The following ZMYND8 variants were observed in gnomAD, a reference collection of about 807,000 sequenced individuals.
ZMYND8 encodes the protein MYND-type zinc finger-containing chromatin reader ZMYND8.
A neutral mutation model predicts 140.8 loss-of-function variants in ZMYND8; 37 were observed. The ratio of observed to expected loss-of-function variants is 0.26; its 90% confidence interval spans 0.20 to 0.35. The LOEUF is 0.35. Ranked by LOEUF, ZMYND8 falls within the 10% of genes least tolerant of loss-of-function variation. The pLI is 1.00. For synonymous variants in ZMYND8, 592 were observed against 597.1 expected (o/e 0.99, Z 0.12); for missense variants, 1,068 against 1,570.0 (o/e 0.68, Z 5.40).
At chr20:47,213,520 C>G (rs2035596245) in intron 21 of ZMYND8, among the ~76,000 whole-genome samples, 1 of 152,156 alleles carries the variant, frequency 6.6e-6, no homozygotes, top group South Asian at 2.1e-4. Flanking sequence ...AGCCAACAGA[C>G]AAGAGTGAGG....
intron 2 of ZMYND8, 70 bp downstream of exon 2, chr20:47,347,786 C>T: frequency 6.5e-7 from 1 of 1,541,108 alleles, no homozygotes. Context: ...CTTCACTGCA[C>T]TACAACAACA....
At chr20:47,268,649 C>A (rs1300526617) in intron 11 of ZMYND8, among the ~76,000 whole-genome samples, 1 of 151,650 alleles carries the variant, frequency 6.6e-6, no homozygotes, top group African/African-American at 2.4e-5. Context: ...TGGTGGTACA[C>A]GCCTGTAACC....
At position 47,276,337 on chromosome 20, in the gene ZMYND8, A is replaced by G. The variant is rs534613736; in HGVS notation, c.1457T>C (p.Met486Thr). The G allele has an allele frequency of 1.8e-5, 29 of 1,580,338 alleles. No individual in the cohort carries two copies. Among genetic ancestry groups the G allele is most frequent in the Middle Eastern group, 1.7e-4 (1 of 5,908 alleles). The change falls in exon 11 of 23, where the codon ATG (methionine) becomes ACG (threonine). Residue 486 changes from methionine (M) to threonine (T), a missense_variant. Physicochemically the swap from Met to Thr is moderately conservative, Grantham distance 81. Around this residue, in one of 10 missense-constraint regions of ZMYND8, gnomAD observed 173 missense variants for 223.3 expected, o/e 0.77. Coordinates refer to ENST00000471951, the MANE Select transcript of ZMYND8 (RefSeq NM_001281775.3). ...ACCTGTGCTCTTATCCAGGAAGTCC[A>G]TGGACTCCTCGCTCGCACTGAAGTG... ...SSHFSASEES[M>T]DFLDKSTASP... is the part of the protein sequence containing the mutation.
rs1479712624 is a variant in ZMYND8, at chr20:47,234,735, T to C, written c.2856+1591A>G. 4.6e-5 allele frequency among the ~76,000 whole-genome samples: 7 copies of C among 152,126 alleles called. No individual in the cohort carries two copies. In the East Asian group the frequency reaches 5.8e-4, roughly 13 times the overall value. ...AACATGACCAATGAAAACTCATTTGTGTAAAAAAAAAAATTCATATATATT... is the reference window on the plus strand; with the variant it reads ...AACATGACCAATGAAAACTCATTTGCGTAAAAAAAAAAATTCATATATATT... On this transcript the variant is annotated intron_variant, in intron 16 of 22. Transcript: ENST00000471951.
At chr20:47,317,433 T>TCA (rs1330776448) in intron 2 of ZMYND8, among the ~76,000 whole-genome samples, 3 of 145,304 alleles carry the variant, frequency 2.1e-5, no homozygotes, top group South Asian at 2.1e-4. Flanking sequence ...GGTGCCTGAG[T>TCA]CACAGCACAT....
At chr20:47,256,244 C>G (rs556548649) in intron 12 of ZMYND8, among the ~76,000 whole-genome samples, 2 of 151,984 alleles carry the variant, frequency 1.3e-5, no homozygotes, top group Admixed American at 1.3e-4. Context: ...CTTTGGGAGG[C>G]TGAGGCAGGA....
chr20:47,306,740 A>G (rs921506371), intron 3 of ZMYND8, among the ~76,000 whole-genome samples: 1 of 152,052 alleles, frequency 6.6e-6, no homozygotes, highest in African/African-American at 2.4e-5. Context: ...TTTGCTCTTT[A>G]TGAGGTGAGA....
chr20:47,224,864 T>C (rs992444175), intron 18 of ZMYND8, among the ~76,000 whole-genome samples: 45 of 152,252 alleles, frequency 3.0e-4, no homozygotes, highest in Admixed American at 1.8e-3. Context: ...TTGAAACAAC[T>C]GCCACCAAAA....
At chr20:47,281,837 A>G (rs1250864099) in intron 10 of ZMYND8, among the ~76,000 whole-genome samples, 2 of 152,220 alleles carry the variant, frequency 1.3e-5, no homozygotes, top group African/African-American at 4.8e-5. Context: ...CAGCACTTCA[A>G]ACAGCCACAG....
At chr20:47,291,982 C>T in intron 5 of ZMYND8, 94 bp from the exon 6 acceptor site, 1 of 1,087,464 alleles carries the variant, frequency 9.2e-7, no homozygotes, top group Non-Finnish European at 1.3e-6. Flanking sequence ...ATTGAGACAA[C>T]TTTTCAGACA....
intron 1 of ZMYND8, chr20:47,351,664 G>A: frequency 2.0e-6 from 2 of 984,994 alleles, no homozygotes; most frequent in East Asian, 1.1e-4. Context: ...TAAGAAATTG[G>A]GGTGGGGGGG....
At chr20:47,292,456 G>T (rs550790253) in intron 5 of ZMYND8, among the ~76,000 whole-genome samples, 73 of 152,070 alleles carry the variant, frequency 4.8e-4, no homozygotes, top group African/African-American at 1.7e-3. Flanking sequence ...CCAAACTAAG[G>T]CTACACCTTT....
At position 47,221,311 on chromosome 20, in the gene ZMYND8, C is replaced by T; in HGVS notation, c.3417+3G>A. The T allele has an allele frequency of 6.2e-7, 1 of 1,613,858 alleles. No individual in the cohort carries two copies. The highest frequency in any genetic ancestry group is 8.5e-7 in the Non-Finnish European group (1 of 1,179,998). ...CTAGCCAAAGGCATGGGGGGATCCT[C>T]ACCGAGCCACTCTCCTTGCTTTTCT... On this transcript the variant is annotated splice_donor_region_variant and intron_variant, in intron 20 of 22. Coordinates refer to ENST00000471951, the MANE Select transcript of ZMYND8 (RefSeq NM_001281775.3).
chr20:47,282,656 T>C (rs1414897398), intron 9 of ZMYND8, among the ~76,000 whole-genome samples: 3 of 148,772 alleles, frequency 2.0e-5, no homozygotes, highest in Non-Finnish European at 4.4e-5. Flanking sequence ...ACGCAGGAGG[T>C]GGAGGTTGCA....
chr20:47,256,710 C>T (rs906777134), intron 12 of ZMYND8, among the ~76,000 whole-genome samples: 1 of 152,170 alleles, frequency 6.6e-6, no homozygotes, highest in Admixed American at 6.6e-5. Flanking sequence ...AAAATCAAGA[C>T]AACATCTGAA....
intron 13 of ZMYND8, among the ~76,000 whole-genome samples, chr20:47,248,359 C>A (rs928449909): frequency 1.3e-5 from 2 of 152,206 alleles, no homozygotes; most frequent in Admixed American, 6.5e-5. Flanking sequence ...AAATTTCACC[C>A]ATGCCACCCA....
chr20:47,285,751 T>C (rs2076880150), intron 8 of ZMYND8: 2 of 985,064 alleles, frequency 2.0e-6, no homozygotes, highest in Non-Finnish European at 2.4e-6. Flanking sequence ...AGAGGAGTAA[T>C]TAAATGAATG....
chr20:47,224,450 C>G lies in ZMYND8; in HGVS notation c.3123G>C (p.Glu1041Asp). Reference sequence around the variant, plus strand: ...TGGCGCACCACTGCTTCTTCTTGGTCTCATCCACCGCCTGCTGCTTCTCCA... The same window carrying G: ...TGGCGCACCACTGCTTCTTCTTGGTGTCATCCACCGCCTGCTGCTTCTCCA... ...LELEKQQAVD[E>D]TKKKQWCANC... The change falls in exon 19 of 23, where the codon GAG (glutamate) becomes GAC (aspartate). Residue 1041 changes from glutamate (E) to aspartate (D), a missense_variant. By Grantham distance (45) the Glu-to-Asp change is conservative (BLOSUM62 2). Transcript: ENST00000471951. 6.2e-7 allele frequency: 1 copy of G among 1,614,268 alleles called. No homozygotes were observed. Among genetic ancestry groups the G allele is most frequent in the Middle Eastern group, 1.6e-4 (1 of 6,062 alleles).
intron 2 of ZMYND8, among the ~76,000 whole-genome samples, chr20:47,324,008 G>A (rs990289266): frequency 3.3e-5 from 5 of 151,378 alleles, no homozygotes; most frequent in African/African-American, 1.2e-4. Flanking sequence ...AGACCATCCT[G>A]GCCAACATGG....
Sources: allele counts gnomAD v4.1 joint callset (sites outside exome capture counted in the v4.1 genomes callset), GRCh38; gene constraint gnomAD v4.1.1; regional missense constraint gnomAD v4.1.1; transcripts MANE v1.5; gene names NCBI Gene and HGNC (gene_info 2026-07-23, HGNC 2026-07-21).